The following CWH43 variants were observed in gnomAD, a reference collection of about 807,000 sequenced individuals.
The protein encoded by CWH43 is PGAP2-interacting protein.
CWH43 carries 91 observed loss-of-function variants against 85.7 expected under a neutral mutation model. The observed-to-expected ratio is 1.06, with a 90% CI of 0.90 to 1.26. The LOEUF (loss-of-function observed/expected upper bound fraction) is 1.26, where lower values mean the gene tolerates loss of function less well. Among genes scored for constraint, CWH43 ranks in the 50% most tolerant of loss-of-function variants. The pLI, the probability that CWH43 is intolerant of heterozygous loss-of-function variation, is 0.00. For synonymous variants in CWH43, 323 were observed against 293.6 expected (o/e 1.10, Z -1.02); for missense variants, 869 against 839.2 (o/e 1.04, Z -0.44).
chr4:49,042,980 G>A (rs1296405308), intron 13 of CWH43, among the ~76,000 whole-genome samples: 1 of 152,162 alleles, frequency 6.6e-6, no homozygotes, highest in Non-Finnish European at 1.5e-5. Flanking sequence ...ACTTATGGCA[G>A]GAGGGTCTAA....
intron 15 of CWH43, among the ~76,000 whole-genome samples, chr4:49,053,718 TA>T (rs1211685788): frequency 2.0e-5 from 3 of 152,152 alleles, no homozygotes; most frequent in Admixed American, 6.5e-5. Context: ...ACATCTCAAG[TA>T]AAAAAATCCA....
intron 15 of CWH43, among the ~76,000 whole-genome samples, chr4:49,058,453 T>A (rs1785036644): frequency 6.6e-6 from 1 of 152,224 alleles, no homozygotes; most frequent in Non-Finnish European, 1.5e-5. Flanking sequence ...TAGATATAGT[T>A]ATTTTAATAT....
At chr4:49,027,148 T>C (rs190043079) in intron 9 of CWH43, among the ~76,000 whole-genome samples, 120 of 152,348 alleles carry the variant, frequency 7.9e-4, no homozygotes, top group African/African-American at 2.7e-3. Context: ...GTTCTGAGGC[T>C]TCTTCAGCTG....
chr4:49,042,997 C>T (rs140684197), intron 13 of CWH43, among the ~76,000 whole-genome samples: 1 of 152,158 alleles, frequency 6.6e-6, no homozygotes, highest in African/African-American at 2.4e-5. Context: ...CTAAGATAGC[C>T]CCACACAGGC....
At chr4:49,015,175 TG>T (rs1783503813) in intron 8 of CWH43, among the ~76,000 whole-genome samples, 1 of 152,170 alleles carries the variant, frequency 6.6e-6, no homozygotes, top group African/African-American at 2.4e-5. Flanking sequence ...TTATCTAATG[TG>T]ATCATCTTAC....
chr4:48,989,575 C>A (rs572680212), intron 2 of CWH43, among the ~76,000 whole-genome samples: 1 of 152,288 alleles, frequency 6.6e-6, no homozygotes, highest in African/African-American at 2.4e-5. Flanking sequence ...TGGATCCCCA[C>A]AAAGGTATAG....
chr4:49,033,654 G>A (rs1177354543), intron 12 of CWH43, among the ~76,000 whole-genome samples: 1 of 152,176 alleles, frequency 6.6e-6, no homozygotes, highest in Non-Finnish European at 1.5e-5. Flanking sequence ...CATGAAGAGT[G>A]GGGAATGAGT....
At chr4:49,017,900 T>A (rs986571650) in intron 9 of CWH43, among the ~76,000 whole-genome samples, 2 of 152,014 alleles carry the variant, frequency 1.3e-5, no homozygotes, top group Non-Finnish European at 2.9e-5. Context: ...AGTGGTGCGA[T>A]CTTGGCTCAC....
chr4:49,018,758 T>A (rs549523403), intron 9 of CWH43, among the ~76,000 whole-genome samples: 9 of 152,322 alleles, frequency 5.9e-5, no homozygotes, highest in African/African-American at 2.2e-4. Flanking sequence ...CAATCTGTAC[T>A]AGCGGGAACA....
intron 9 of CWH43, among the ~76,000 whole-genome samples, chr4:49,024,441 G>A (rs1258893786): frequency 6.6e-6 from 1 of 151,978 alleles, no homozygotes; most frequent in Non-Finnish European, 1.5e-5. Flanking sequence ...TTTTTTTAAG[G>A]TTCTGTGAGA....
At chr4:49,019,367 C>G (rs1469718823) in intron 9 of CWH43, among the ~76,000 whole-genome samples, 1 of 151,878 alleles carries the variant, frequency 6.6e-6, no homozygotes, top group African/African-American at 2.4e-5. Flanking sequence ...GCAGAAGGAA[C>G]ACATATAAAG....
chr4:49,029,227 T>G (rs1345049303), intron 10 of CWH43, among the ~76,000 whole-genome samples: 1 of 152,228 alleles, frequency 6.6e-6, no homozygotes, highest in African/African-American at 2.4e-5. Context: ...ATCTGTAACT[T>G]TAGCCCTAAT....
chr4:49,040,319 A>G (rs948569028), intron 13 of CWH43, among the ~76,000 whole-genome samples: 1 of 152,228 alleles, frequency 6.6e-6, no homozygotes, highest in African/African-American at 2.4e-5. Flanking sequence ...AGGAATCGCC[A>G]CACTGACTTC....
intron 10 of CWH43, 124 bp from the exon 11 acceptor site, chr4:49,030,683 TCTAGTGACTCACTAATAA>T (rs1784066862): frequency 1.5e-6 from 1 of 645,214 alleles, no homozygotes; most frequent in East Asian, 3.3e-5. Flanking sequence ...GCCACTTCTC[TCTAGTGACTCACTAATAA>T]TTACTTTGTT....
At chr4:49,041,817 A>G (rs2109825891) in intron 13 of CWH43, among the ~76,000 whole-genome samples, 1 of 152,276 alleles carries the variant, frequency 6.6e-6, no homozygotes, top group African/African-American at 2.4e-5. Context: ...CCAAGAGCAT[A>G]TGCCAGTTCC....
chr4:48,998,888 GTATAT>G (rs1782902395), intron 6 of CWH43, among the ~76,000 whole-genome samples: 2 of 152,154 alleles, frequency 1.3e-5, no homozygotes, highest in African/African-American at 4.8e-5. Flanking sequence ...TTTAATTAAA[GTATAT>G]TATTTTATTT....
chr4:49,015,383 T>A (rs1361678176), intron 8 of CWH43, among the ~76,000 whole-genome samples: 2 of 152,144 alleles, frequency 1.3e-5, no homozygotes, highest in Non-Finnish European at 2.9e-5. Flanking sequence ...GATATTATTC[T>A]CCTGTCTTCT....
chr4:49,029,328 G>C (rs961570340), intron 10 of CWH43, among the ~76,000 whole-genome samples: 1 of 152,176 alleles, frequency 6.6e-6, no homozygotes, highest in Non-Finnish European at 1.5e-5. Flanking sequence ...TATGTTTACA[G>C]GCATTATGCT....
intron 9 of CWH43, among the ~76,000 whole-genome samples, chr4:49,025,989 C>T (rs2768977): frequency 0.58 from 88,348 of 151,802 alleles, 28,892 homozygotes; most frequent in Admixed American, 0.75. Context: ...TTAGGTGTGT[C>T]TGAGCTCAGA....
Sources: gnomAD v4.1 joint callset for allele counts (sites outside exome capture counted in the v4.1 genomes callset) on GRCh38, gnomAD v4.1.1 for gene constraint, MANE v1.5 for transcripts, NCBI Gene and HGNC (gene_info 2026-07-23, HGNC 2026-07-21) for gene names.